The following FGF14 variants were observed in gnomAD, a reference collection of about 807,000 sequenced individuals.
FGF14 encodes fibroblast growth factor homologous factor 4.
FGF14 carries 5 observed loss-of-function variants against 25.5 expected under a neutral mutation model. The ratio of observed to expected loss-of-function variants is 0.20; its 90% CI spans 0.10 to 0.41. The LOEUF is 0.41. FGF14 is among the 10% of genes least tolerant of loss of function. The probability of loss-of-function intolerance (pLI) is 1.00; values close to 1 mark genes in which losing one functional copy is unlikely to be tolerated. For missense variants in FGF14, 222 were observed against 320.1 expected (o/e 0.69, Z 2.34); for synonymous variants, 138 against 118.3 (o/e 1.17, Z -1.08).
intron 1 of FGF14, among the ~76,000 whole-genome samples, chr13:102,355,664 G>A (rs1045371876): frequency 2.0e-5 from 3 of 151,092 alleles, no homozygotes; most frequent in African/African-American, 7.3e-5. Context: ...ACAGAATTTT[G>A]AGTAACTCTA....
intron 1 of FGF14, among the ~76,000 whole-genome samples, chr13:102,124,366 A>C (rs2045862177): frequency 6.6e-6 from 1 of 151,028 alleles, no homozygotes; most frequent in African/African-American, 2.4e-5. Flanking sequence ...TGACCACCAA[A>C]ATAGAGATGA....
At chr13:101,914,816 C>A (rs1023078195) in intron 1 of FGF14, among the ~76,000 whole-genome samples, 9 of 152,056 alleles carry the variant, frequency 5.9e-5, no homozygotes, top group Non-Finnish European at 1.2e-4. Context: ...ATGTAGACAG[C>A]CAATTTGGAG....
chr13:101,935,775 A>G (rs1302094315), intron 1 of FGF14, among the ~76,000 whole-genome samples: 1 of 152,172 alleles, frequency 6.6e-6, no homozygotes, highest in African/African-American at 2.4e-5. Flanking sequence ...TATGCCCCCC[A>G]AAACAAAACA....
intron 1 of FGF14, among the ~76,000 whole-genome samples, chr13:102,131,518 A>G (rs2046195697): frequency 6.6e-6 from 1 of 152,020 alleles, no homozygotes; most frequent in South Asian, 2.1e-4. Flanking sequence ...TGCGCAACTC[A>G]TTCTCATCTC....
chr13:102,090,037 AG>A (rs1313903447), intron 1 of FGF14, among the ~76,000 whole-genome samples: 1 of 152,200 alleles, frequency 6.6e-6, no homozygotes, highest in East Asian at 1.9e-4. Flanking sequence ...ATTGTCTTCT[AG>A]TGTTAGATGA....
intron 1 of FGF14, among the ~76,000 whole-genome samples, chr13:102,352,527 T>C (rs1422558035): frequency 6.6e-6 from 1 of 152,116 alleles, no homozygotes; most frequent in Admixed American, 6.5e-5. Context: ...GATGTTAAGA[T>C]ATTGGCCGGG....
chr13:102,015,292 T>C (rs73571570), intron 1 of FGF14, among the ~76,000 whole-genome samples: 4,887 of 152,248 alleles, frequency 0.032, 253 homozygotes, highest in African/African-American at 0.11. Context: ...TCTGTCTAAA[T>C]AGAAAAAAGC....
chr13:101,891,051 G>C (rs143598044), intron 1 of FGF14, among the ~76,000 whole-genome samples: 76 of 152,198 alleles, frequency 5.0e-4, no homozygotes, highest in African/African-American at 1.7e-3. Flanking sequence ...GCTAAGCCGA[G>C]GTTAAAACTT....
intron 1 of FGF14, among the ~76,000 whole-genome samples, chr13:102,249,184 A>T (rs190972201): frequency 6.6e-6 from 1 of 152,272 alleles, no homozygotes; most frequent in African/African-American, 2.4e-5. Flanking sequence ...ATTTCCAAAA[A>T]TGATAGAAAG....
intron 3 of FGF14, among the ~76,000 whole-genome samples, chr13:101,799,737 G>A (rs2040760970): frequency 6.6e-6 from 1 of 151,994 alleles, no homozygotes; most frequent in South Asian, 2.1e-4. Flanking sequence ...ATAATTGGAA[G>A]ACTACCCAAA....
intron 1 of FGF14, among the ~76,000 whole-genome samples, chr13:101,961,039 T>G (rs1410204849): frequency 6.6e-6 from 1 of 152,170 alleles, no homozygotes; most frequent in African/African-American, 2.4e-5. Flanking sequence ...TTAATGGGAT[T>G]TTTTTGTAGT....
intron 1 of FGF14, among the ~76,000 whole-genome samples, chr13:102,187,398 T>A (rs2048920459): frequency 6.6e-6 from 1 of 152,184 alleles, no homozygotes; most frequent in Non-Finnish European, 1.5e-5. Context: ...TTTTAAAAAG[T>A]TTTTTATAAA....
rs116811758 is a variant in FGF14, at chr13:102,222,058, C to T, written c.208+179413G>A. 1.0e-2 allele frequency among the ~76,000 whole-genome samples: 1,520 copies of T among 152,232 alleles called. 31 individuals are homozygous for T. The highest frequency in any genetic ancestry group is 0.033 in the African/African-American group (1,389 of 41,546). ...TGGTACTATTATGAAACTTATTATA[C>T]ACCTCCAAATCCTCCTTACCCCATA... On this transcript the variant is annotated intron_variant, in intron 1 of 4. Coordinates refer to the FGF14 transcript ENST00000376131.
intron 1 of FGF14, among the ~76,000 whole-genome samples, chr13:102,269,353 A>T (rs1474371878): frequency 6.6e-6 from 1 of 152,202 alleles, no homozygotes. Context: ...GGAAGACCAT[A>T]AAAAGCATAA....
rs1014567637 is a variant in FGF14 at position 101,713,007 on chromosome 13, A to T, written c.*9824T>A. ...ATGCAAATCAACCTGGACCCTCAGG[A>T]AAACAAGTCAAGACTAAATACAATT... is the stretch of plus-strand genomic sequence containing the variant. On this transcript the variant is annotated 3_prime_UTR_variant, in exon 5 of 5. Transcript: ENST00000376143. The T allele has an allele frequency of 6.6e-6, 1 of 152,218 alleles. No individual in the cohort carries two copies. The highest frequency in any genetic ancestry group is 1.5e-5 in the Non-Finnish European group (1 of 68,028). 9.4% of individuals were successfully genotyped at this position (152,218 alleles called of 1,614,324 possible). A position where few individuals can be genotyped will look rare whatever the true frequency, so the allele number is the denominator to read the frequency against.
At chr13:102,211,244 C>G (rs1469468637) in intron 1 of FGF14, among the ~76,000 whole-genome samples, 1 of 152,098 alleles carries the variant, frequency 6.6e-6, no homozygotes, top group Non-Finnish European at 1.5e-5. Flanking sequence ...TCTGGTCAGT[C>G]TCTTAAATCC....
At chr13:102,365,295 C>T (rs2057678438) in intron 1 of FGF14, among the ~76,000 whole-genome samples, 1 of 151,998 alleles carries the variant, frequency 6.6e-6, no homozygotes, top group African/African-American at 2.4e-5. Context: ...GAGGGCCATG[C>T]CTGGACAGCC....
intron 1 of FGF14, among the ~76,000 whole-genome samples, chr13:102,089,325 G>A (rs1406816598): frequency 6.6e-6 from 1 of 152,120 alleles, no homozygotes; most frequent in Non-Finnish European, 1.5e-5. Context: ...ATCCAGAAGA[G>A]GGCACTGGCA....
intron 1 of FGF14, among the ~76,000 whole-genome samples, chr13:102,170,014 A>G (rs1257554891): frequency 1.3e-5 from 2 of 152,156 alleles, no homozygotes; most frequent in Non-Finnish European, 1.5e-5. Context: ...AGATGCTCCT[A>G]TGAGTTTGTG....
Sources: gnomAD v4.1 joint callset for allele counts (sites outside exome capture counted in the v4.1 genomes callset) on GRCh38, gnomAD v4.1.1 for gene constraint, MANE v1.5 for transcripts, NCBI Gene and HGNC (gene_info 2026-07-23, HGNC 2026-07-21) for gene names.